The following NRXN3 variants were observed in gnomAD, a reference collection of about 807,000 sequenced individuals.
NRXN3 encodes neurexin 3.
In NRXN3, 32 loss-of-function variants were observed where a neutral mutation model predicts 137.6. The observed-to-expected ratio is 0.23, with a 90% CI of 0.18 to 0.31. The LOEUF (loss-of-function observed/expected upper bound fraction) is 0.31, where lower values mean the gene tolerates loss of function less well. Ranked by LOEUF, NRXN3 falls within the 10% of genes least tolerant of loss-of-function variation. The pLI is 1.00. For missense variants in NRXN3, 1,574 were observed against 2,062.5 expected (o/e 0.76, Z 4.59); for synonymous variants, 798 against 784.5 (o/e 1.02, Z -0.29).
At chr14:79,058,817 T>A (rs1056175461) in intron 15 of NRXN3, among the ~76,000 whole-genome samples, 7 of 152,134 alleles carry the variant, frequency 4.6e-5, no homozygotes, top group Non-Finnish European at 7.4e-5. Context: ...GGAGATCTGA[T>A]GGTTTTATGA....
chr14:78,397,338 T>G (rs1281591612), intron 4 of NRXN3, among the ~76,000 whole-genome samples: 1 of 150,354 alleles, frequency 6.7e-6, no homozygotes, highest in Non-Finnish European at 1.5e-5. Context: ...ACCCTGTGGC[T>G]CCATTCACCT....
chr14:78,286,095 A>G (rs2075138898), intron 3 of NRXN3, among the ~76,000 whole-genome samples: 1 of 152,098 alleles, frequency 6.6e-6, no homozygotes, highest in African/African-American at 2.4e-5. Context: ...AGGCAGACCC[A>G]CCGGGGTATT....
intron 4 of NRXN3, among the ~76,000 whole-genome samples, chr14:78,424,176 G>A (rs1052122684): frequency 1.3e-5 from 2 of 152,134 alleles, no homozygotes; most frequent in South Asian, 2.1e-4. Flanking sequence ...TATCTCCTAC[G>A]TTTTTGCTAC....
chr14:79,373,290 A>ACAAAATG (rs2094164167), intron 15 of NRXN3, among the ~76,000 whole-genome samples: 2 of 152,076 alleles, frequency 1.3e-5, no homozygotes, highest in Admixed American at 1.3e-4. Context: ...CATGGAAAAC[A>ACAAAATG]CTCTATCAAT....
At chr14:79,142,075 C>G (rs2152999221) in intron 15 of NRXN3, among the ~76,000 whole-genome samples, 1 of 152,150 alleles carries the variant, frequency 6.6e-6, no homozygotes, top group Non-Finnish European at 1.5e-5. Context: ...ACGGAAAGCC[C>G]CCAAGTGAGG....
At position 78,473,418 on chromosome 14, in the gene NRXN3, ATG is replaced by A. The variant is rs2095319874; in HGVS notation, c.758-171701_758-171700del. Among the ~76,000 whole-genome samples the A allele has an allele frequency of 7.6e-5, 11 of 144,802 alleles. 1 individual carries two copies. The East Asian group carries it at 1.2e-3, about 16-fold the overall frequency. 95.0% of individuals were successfully genotyped at this position (144,802 alleles called of 152,430 possible). A position where few individuals can be genotyped will look rare whatever the true frequency, so the allele number is the denominator to read the frequency against. On this transcript the variant is annotated intron_variant, in intron 4 of 20. Coordinates refer to ENST00000335750, the MANE Select transcript of NRXN3 (RefSeq NM_001330195.2). ...CTCTGTCTCAAAAAAAAAAAAAAAA[ATG>A]AAAAACCTTTCTTTTGTGAAACTTC...
intron 4 of NRXN3, among the ~76,000 whole-genome samples, chr14:78,486,115 G>A (rs1319894282): frequency 6.6e-6 from 1 of 152,228 alleles, no homozygotes; most frequent in Non-Finnish European, 1.5e-5. Flanking sequence ...TATTGTTGAA[G>A]CTGAGCAATA....
intron 20 of NRXN3, among the ~76,000 whole-genome samples, chr14:79,806,684 A>G (rs1568315960): frequency 6.6e-6 from 1 of 150,930 alleles, no homozygotes; most frequent in Non-Finnish European, 1.5e-5. Context: ...CAGGCAGGAT[A>G]CAATATATCT....
chr14:78,884,819 C>G (rs1462068769), intron 10 of NRXN3, among the ~76,000 whole-genome samples: 1 of 152,090 alleles, frequency 6.6e-6, no homozygotes, highest in Non-Finnish European at 1.5e-5. Context: ...CAATCTTGGA[C>G]AAGGCCCTGA....
intron 19 of NRXN3, among the ~76,000 whole-genome samples, chr14:79,740,857 A>T (rs757194671): frequency 5.4e-5 from 8 of 149,054 alleles, no homozygotes; most frequent in Non-Finnish European, 1.0e-4. Flanking sequence ...CTACAGGGTG[A>T]AGCTTATGTT....
intron 4 of NRXN3, among the ~76,000 whole-genome samples, chr14:78,313,201 G>C (rs1044519530): frequency 6.6e-6 from 1 of 152,172 alleles, no homozygotes; most frequent in Non-Finnish European, 1.5e-5. Flanking sequence ...GGATTCACAG[G>C]CTTACTGTCT....
chr14:79,636,224 T>A (rs1390671334), intron 16 of NRXN3, among the ~76,000 whole-genome samples: 1 of 152,192 alleles, frequency 6.6e-6, no homozygotes, highest in Non-Finnish European at 1.5e-5. Flanking sequence ...TCAACATATC[T>A]TTTTGGAGAC....
rs377046879 is a variant in NRXN3, at chr14:79,450,772, A to C, written c.3263-16449A>C. On this transcript the variant is annotated intron_variant, in intron 15 of 20. Transcript: ENST00000335750. ...TCCCAGCTACTTGGGAGGCTGAGGC[A>C]CGAGAATCACTTGAACTTGAGAGAC... Among the ~76,000 whole-genome samples, 61 of 152,196 alleles carry C rather than the reference A, an allele frequency of 4.0e-4. 1 individual carries two copies. The East Asian group carries it at 6.6e-3, about 16-fold the overall frequency.
chr14:79,201,570 C>T (rs1000481252), intron 15 of NRXN3: 3 of 152,094 alleles, frequency 2.0e-5, no homozygotes, highest in Non-Finnish European at 4.4e-5. Context: ...ACTCTACTTT[C>T]TTTCTCTAGA....
chr14:78,406,560 C>A (rs1308093661), intron 4 of NRXN3, among the ~76,000 whole-genome samples: 2 of 152,156 alleles, frequency 1.3e-5, no homozygotes, highest in Non-Finnish European at 2.9e-5. Flanking sequence ...GTTGGTAGCC[C>A]ACTAATGTCC....
chr14:79,426,108 G>C (rs891708958), intron 15 of NRXN3, among the ~76,000 whole-genome samples: 1 of 152,268 alleles, frequency 6.6e-6, no homozygotes, highest in Admixed American at 6.5e-5. Context: ...AACCTGGCAG[G>C]AGAGGCATAA....
At position 78,485,140 on chromosome 14, in the gene NRXN3, T is replaced by C. The variant is rs376885862; in HGVS notation, c.758-159980T>C. Among the ~76,000 whole-genome samples the C allele has an allele frequency of 1.3e-3, 194 of 152,256 alleles. 6 individuals are homozygous for C. In the South Asian group the frequency reaches 0.037, roughly 29 times the overall value. On this transcript the variant is annotated intron_variant, in intron 4 of 20. Coordinates refer to ENST00000335750, the MANE Select transcript of NRXN3 (RefSeq NM_001330195.2). ...AAGGGAGCCCTGGCTCCAGGAGAGATTGAGCCAGCTGGTGACTGCATACTT... is the reference window on the plus strand; with the variant it reads ...AAGGGAGCCCTGGCTCCAGGAGAGACTGAGCCAGCTGGTGACTGCATACTT...
At chr14:78,804,779 CA>C (rs553851636) in intron 9 of NRXN3, among the ~76,000 whole-genome samples, 1 of 152,048 alleles carries the variant, frequency 6.6e-6, no homozygotes, top group African/African-American at 2.4e-5. Flanking sequence ...AAGGAAAAAA[CA>C]AACAAACACT....
chr14:78,172,618 GAGGTTCATCCTGCGAGTC>G (rs1252023928), intron 1 of NRXN3, among the ~76,000 whole-genome samples: 1 of 152,120 alleles, frequency 6.6e-6, no homozygotes, highest in Non-Finnish European at 1.5e-5. Flanking sequence ...TCTGCAGCCT[GAGGTTCATCCTGCGAGTC>G]AGTCTTCCTT....
Sources: gnomAD v4.1 joint callset for allele counts (sites outside exome capture counted in the v4.1 genomes callset) on GRCh38, gnomAD v4.1.1 for gene constraint, MANE v1.5 for transcripts, NCBI Gene and HGNC (gene_info 2026-07-23, HGNC 2026-07-21) for gene names.